The following GNA14 variants were observed in gnomAD, a reference collection of about 807,000 sequenced individuals.
The protein encoded by GNA14 is guanine nucleotide-binding protein subunit alpha-14.
A neutral mutation model predicts 42.0 loss-of-function variants in GNA14; 50 were observed. The ratio of observed to expected loss-of-function variants is 1.19; its 90% confidence interval spans 0.95 to 1.51. The LOEUF (loss-of-function observed/expected upper bound fraction) is 1.51. Ranked by LOEUF, GNA14 falls within the 40% of genes most tolerant of loss-of-function variation. GNA14 has a pLI of 0.00. For missense variants in GNA14, 473 were observed against 446.2 expected, an observed-to-expected ratio of 1.06 and a Z score of -0.54; for synonymous variants, 173 against 163.1, an observed-to-expected ratio of 1.06 and a Z score of -0.46.
intron 2 of GNA14, among the ~76,000 whole-genome samples, chr9:77,465,364 C>T (rs1320561869): frequency 5.3e-5 from 8 of 152,186 alleles, no homozygotes; most frequent in Non-Finnish European, 1.0e-4. Flanking sequence ...CTTTTTATTG[C>T]CAAATAATAT....
chr9:77,633,252 G>A lies in GNA14; in HGVS notation c.124+14418C>T, dbSNP rs556425552. ...ACTGGGGTGTCAGCAAAGGCTTCCA[G>A]GAGGAAGAGATATTTAAGATGCATT... On this transcript the variant is annotated intron_variant, in intron 1 of 6. Transcript: ENST00000341700. Among the ~76,000 whole-genome samples, 6 of 152,258 alleles carry A rather than the reference G, an allele frequency of 3.9e-5. No individual in the cohort carries two copies. In the South Asian group the frequency reaches 1.2e-3, roughly 32 times the overall value.
At chr9:77,463,282 C>T (rs941266511) in intron 2 of GNA14, among the ~76,000 whole-genome samples, 1 of 152,140 alleles carries the variant, frequency 6.6e-6, no homozygotes, top group African/African-American at 2.4e-5. Flanking sequence ...GGCAACAGTG[C>T]ATCTCAAACA....
chr9:77,576,126 AT>A (rs1823124969), intron 1 of GNA14, among the ~76,000 whole-genome samples: 1 of 152,220 alleles, frequency 6.6e-6, no homozygotes, highest in African/African-American at 2.4e-5. Flanking sequence ...TATACTGCTA[AT>A]CATAGAACTA....
intron 2 of GNA14, among the ~76,000 whole-genome samples, chr9:77,486,203 T>C (rs554094368): frequency 6.6e-6 from 1 of 152,356 alleles, no homozygotes; most frequent in Non-Finnish European, 1.5e-5. Context: ...CATCAGCACC[T>C]GCTGTTTCAC....
At chr9:77,494,992 G>T (rs1188054142) in intron 2 of GNA14, among the ~76,000 whole-genome samples, 1 of 152,124 alleles carries the variant, frequency 6.6e-6, no homozygotes, top group East Asian at 1.9e-4. Context: ...TGAAGACAGG[G>T]TTTTGCCATG....
At chr9:77,435,066 A>C (rs985767972) in intron 2 of GNA14, among the ~76,000 whole-genome samples, 5 of 151,502 alleles carry the variant, frequency 3.3e-5, no homozygotes, top group Admixed American at 2.6e-4. Flanking sequence ...AAAAAAAAAA[A>C]AAAAAACACT....
rs1564012956 is a variant in GNA14 at position 77,434,533 on chromosome 9, G to C, written c.310-11C>G. On this transcript the variant is annotated splice_polypyrimidine_tract_variant and intron_variant, in intron 2 of 6. Coordinates refer to ENST00000341700, the MANE Select transcript of GNA14 (RefSeq NM_004297.4). ...TATCTGGGCATTTTCCTACTCAAAG[G>C]AAAGAGAACCTTGCATCAGGCAAAG... 6.2e-7 allele frequency: 1 copy of C among 1,610,678 alleles called. No individual in the cohort carries two copies. Among genetic ancestry groups the C allele is most frequent in the African/African-American group, 1.3e-5 (1 of 74,918 alleles).
intron 2 of GNA14, 104 bp downstream of exon 2, chr9:77,528,965 A>G: frequency 1.1e-6 from 1 of 952,244 alleles, no homozygotes; most frequent in Non-Finnish European, 1.7e-6. Flanking sequence ...AGGGAACAAG[A>G]GCTTCTTCTG....
chr9:77,481,276 A>G (rs1478331241), intron 2 of GNA14, among the ~76,000 whole-genome samples: 2 of 152,192 alleles, frequency 1.3e-5, no homozygotes, highest in Admixed American at 1.3e-4. Flanking sequence ...TTCAAAGAAC[A>G]TCTTTATTTC....
At chr9:77,519,874 G>A (rs1020516783) in intron 2 of GNA14, among the ~76,000 whole-genome samples, 1 of 152,110 alleles carries the variant, frequency 6.6e-6, no homozygotes, top group African/African-American at 2.4e-5. Context: ...GCCAGGCATG[G>A]TGGTATATGC....
Position 77,593,554 on chromosome 9 carries a change from C to T in GNA14, c.124+54116G>A, listed in dbSNP as rs1823421388. 2.0e-5 allele frequency among the ~76,000 whole-genome samples: 3 copies of T among 152,206 alleles called. No homozygotes were observed. The South Asian group carries it at 6.2e-4, about 32-fold the overall frequency. On this transcript the variant is annotated intron_variant, in intron 1 of 6. Transcript: ENST00000341700. ...CGAACTCCTGATCTCAGGTGATCCA[C>T]TCACCTCAGCCTCCCAAAGTGCTGG...
At chr9:77,556,360 G>C (rs530868788) in intron 1 of GNA14, among the ~76,000 whole-genome samples, 1 of 152,114 alleles carries the variant, frequency 6.6e-6, no homozygotes, top group Admixed American at 6.6e-5. Flanking sequence ...CTAATGGGGT[G>C]GGGGCAGAGA....
chr9:77,546,014 G>A (rs1469751908), intron 1 of GNA14, among the ~76,000 whole-genome samples: 1 of 151,884 alleles, frequency 6.6e-6, no homozygotes, highest in Non-Finnish European at 1.5e-5. Flanking sequence ...TCAGGAGTTC[G>A]AGACCAGCCT....
intron 1 of GNA14, among the ~76,000 whole-genome samples, chr9:77,597,171 C>G (rs528369564): frequency 1.3e-5 from 2 of 152,286 alleles, no homozygotes; most frequent in South Asian, 4.1e-4. Context: ...AATGTCAAGC[C>G]TGGTGGAGTT....
chr9:77,435,211 G>T (rs539222416), intron 2 of GNA14, among the ~76,000 whole-genome samples: 2 of 152,156 alleles, frequency 1.3e-5, no homozygotes, highest in African/African-American at 4.8e-5. Flanking sequence ...ACAAAAATTA[G>T]CTGGGCATGG....
intron 2 of GNA14, among the ~76,000 whole-genome samples, chr9:77,448,255 C>T (rs559647929): frequency 1.7e-4 from 26 of 152,334 alleles, no homozygotes; most frequent in African/African-American, 6.0e-4. Context: ...CTGCTACAAA[C>T]AGTCCCCAAC....
intron 2 of GNA14, among the ~76,000 whole-genome samples, chr9:77,495,244 TG>T (rs928415362): frequency 6.6e-6 from 1 of 151,726 alleles, no homozygotes; most frequent in African/African-American, 2.4e-5. Context: ...AGAGGAGTTG[TG>T]GGGGAAAAAA....
At chr9:77,504,548 A>AAG (rs10559406) in intron 2 of GNA14, among the ~76,000 whole-genome samples, 249 of 145,084 alleles carry the variant, frequency 1.7e-3, no homozygotes, top group African/African-American at 4.8e-3. Context: ...AAAAAAAAAA[A>AAG]AGAGAGAGAG....
At chr9:77,459,381 C>A (rs1324480013) in intron 2 of GNA14, among the ~76,000 whole-genome samples, 1 of 152,218 alleles carries the variant, frequency 6.6e-6, no homozygotes, top group East Asian at 1.9e-4. Context: ...CTGCCCTCAC[C>A]TCAAAGTCTT....
Sources: gnomAD v4.1 joint callset for allele counts (sites outside exome capture counted in the v4.1 genomes callset) on GRCh38, gnomAD v4.1.1 for gene constraint, MANE v1.5 for transcripts, NCBI Gene and HGNC (gene_info 2026-07-23, HGNC 2026-07-21) for gene names.